The following TMEM44 variants were observed in gnomAD, a reference collection of about 807,000 sequenced individuals.
TMEM44 encodes transmembrane protein 44.
Under a neutral mutation model 47.8 loss-of-function variants are expected in TMEM44, and 43 were observed. That is an observed-to-expected ratio of 0.90 (90% CI 0.70 to 1.16). TMEM44 has a LOEUF of 1.16. TMEM44 is among the 50% of genes most tolerant of loss of function. The probability of loss-of-function intolerance (pLI) is 0.00; values close to 1 mark genes in which losing one functional copy is unlikely to be tolerated. For missense variants in TMEM44, 568 were observed against 555.2 expected (o/e 1.02, Z -0.23); for synonymous variants, 277 against 238.8 (o/e 1.16, Z -1.48).
Position 194,611,863 on chromosome 3 carries a change from A to G in TMEM44, c.913-843T>C, listed in dbSNP as rs1715356765. 6.6e-6 allele frequency among the ~76,000 whole-genome samples: 1 copy of G among 152,046 alleles called. No homozygotes were observed. Among genetic ancestry groups the G allele is most frequent in the African/African-American group, 2.4e-5 (1 of 41,390 alleles). ...ATAGTGAAACCCTGTCTCTACTAAA[A>G]ATACAAAAATTGGCTGGGCAAGGTG... On this transcript the variant is annotated intron_variant, in intron 7 of 9. Coordinates refer to ENST00000347147, the MANE Select transcript of TMEM44 (RefSeq NM_001011655.3). This position sits in a 1 kb window ranked among gnomAD's most constrained non-coding sequence, Gnocchi z 4.2.
Position 194,621,718 on chromosome 3 carries a change from A to AT in TMEM44, c.612+1505dup, listed in dbSNP as rs34426435. On this transcript the variant is annotated intron_variant, in intron 5 of 9. Transcript: ENST00000347147. ...CAACCAAGATGCTCCTGGGCAAGTA[A>AT]TTTTTTTTTTTTTTTTTAGATGGAG... is the stretch of plus-strand genomic sequence containing the variant. 5.6e-3 allele frequency among the ~76,000 whole-genome samples: 830 copies of AT among 147,318 alleles called. 5 individuals carry two copies. The highest frequency in any genetic ancestry group is 9.4e-3 in the Non-Finnish European group (628 of 66,556).
In TMEM44 at chr3:194,588,132, T is replaced by C. The variant is rs1712084889; in HGVS notation, c.*397A>G. On this transcript the variant is annotated 3_prime_UTR_variant, in exon 10 of 10. Transcript: ENST00000347147. ...CAGCCAGGTCTTGCAGAATGGGCTCTGCTGAGATCTAACCAGACACATTTG... is the reference window on the plus strand; with the variant it reads ...CAGCCAGGTCTTGCAGAATGGGCTCCGCTGAGATCTAACCAGACACATTTG... The C allele has an allele frequency of 5.8e-6, 1 of 171,660 alleles. No homozygotes were observed. The highest frequency in any genetic ancestry group is 1.3e-4 in the South Asian group (1 of 7,556). 10.6% of individuals were successfully genotyped at this position (171,660 alleles called of 1,614,324 possible).
chr3:194,604,750 C>T (rs751154074), intron 8 of TMEM44, among the ~76,000 whole-genome samples: 19 of 152,326 alleles, frequency 1.2e-4, no homozygotes, highest in Middle Eastern at 3.4e-3. Flanking sequence ...TCACCTAACA[C>T]TATGCCTTAG....
At chr3:194,632,934 C>G in intron 1 of TMEM44, 145 bp downstream of exon 1, 1 of 1,211,398 alleles carries the variant, frequency 8.3e-7, no homozygotes. Flanking sequence ...CTTCAGTCTA[C>G]AGAGCAATGT....
chr3:194,588,345 C>A lies in TMEM44; in HGVS notation c.*184G>T. On this transcript the variant is annotated 3_prime_UTR_variant, in exon 10 of 10. Transcript: ENST00000347147. ...CCTATCCAGGTCTGTCCGCAGTACCCAAAGTCGTAGCTCCGTGATGAGCTA... is the reference window on the plus strand; with the variant it reads ...CCTATCCAGGTCTGTCCGCAGTACCAAAAGTCGTAGCTCCGTGATGAGCTA... The A allele has an allele frequency of 1.7e-6, 1 of 593,662 alleles. No individual in the cohort carries two copies. Among genetic ancestry groups the A allele is most frequent in the Middle Eastern group, 4.5e-4 (1 of 2,244 alleles). The allele number at this position is 593,662 out of a possible 1,614,324, so 36.8% of individuals were successfully genotyped here. A position where few individuals can be genotyped will look rare whatever the true frequency, so the allele number is the denominator to read the frequency against.
intron 1 of TMEM44, 34 bp downstream of exon 1, chr3:194,633,045 C>CGCCCGACAGCT (rs2108608886): frequency 1.3e-6 from 2 of 1,545,100 alleles, no homozygotes; most frequent in Non-Finnish European, 1.7e-6. Flanking sequence ...CCCGTTTCCC[C>CGCCCGACAGCT]GCCCGACAGC....
chr3:194,597,591 T>C (rs1298905897), intron 9 of TMEM44, among the ~76,000 whole-genome samples: 3 of 143,858 alleles, frequency 2.1e-5, no homozygotes, highest in Non-Finnish European at 4.5e-5. Context: ...ACCTGGGAGG[T>C]GGAGGTTGCC....
chr3:194,612,881 T>C (rs1180477810), intron 7 of TMEM44, among the ~76,000 whole-genome samples: 1 of 151,652 alleles, frequency 6.6e-6, no homozygotes, highest in African/African-American at 2.4e-5. Flanking sequence ...CTCGATCTCC[T>C]GACCTCGTGA....
chr3:194,591,750 T>C (rs1031210337), intron 9 of TMEM44, among the ~76,000 whole-genome samples: 5 of 151,656 alleles, frequency 3.3e-5, no homozygotes, highest in Non-Finnish European at 5.9e-5. Context: ...GGACCACAGG[T>C]ACACACCACC....
chr3:194,604,507 T>A, intron 8 of TMEM44, 62 bp from the exon 9 acceptor site: 1 of 1,452,816 alleles, frequency 6.9e-7, no homozygotes, highest in Non-Finnish European at 9.1e-7. Context: ...GGTTGAATTG[T>A]CAAAGCATTC....
chr3:194,610,834 T>TAA, intron 8 of TMEM44, 82 bp downstream of exon 8: 1 of 1,249,848 alleles, frequency 8.0e-7, no homozygotes, highest in Admixed American at 2.0e-5. Context: ...ATCCCTCAGC[T>TAA]AAAGCATCAC....
chr3:194,595,455 C>T (rs1331691244), intron 9 of TMEM44, among the ~76,000 whole-genome samples: 1 of 152,100 alleles, frequency 6.6e-6, no homozygotes, highest in Non-Finnish European at 1.5e-5. Context: ...AAATTTTAGA[C>T]TGTGGAAGCT....
chr3:194,608,219 T>C (rs1714965776), intron 8 of TMEM44, among the ~76,000 whole-genome samples: 1 of 152,196 alleles, frequency 6.6e-6, no homozygotes, highest in Non-Finnish European at 1.5e-5. Context: ...AGGCATGCTC[T>C]GAATCTCTCT....
chr3:194,615,893 C>G (rs1715829433), intron 6 of TMEM44, among the ~76,000 whole-genome samples, 196 bp from the exon 7 acceptor site: 1 of 152,112 alleles, frequency 6.6e-6, no homozygotes. Context: ...CACGAGGGCC[C>G]AGCATCCAAT....
intron 9 of TMEM44, among the ~76,000 whole-genome samples, chr3:194,594,035 C>T (rs1713071700): frequency 6.6e-6 from 1 of 152,064 alleles, no homozygotes; most frequent in Non-Finnish European, 1.5e-5. Context: ...TGGTCTTGAA[C>T]TCCTGAGCTC....
At position 194,617,058 on chromosome 3, in the gene TMEM44, C is replaced by G. The variant is rs1715976094; in HGVS notation, c.783+41G>C. Reference sequence around the variant, plus strand: ...TGAGAGGACGAGACACAGGCCTCCTCTGGCTGCAAGCAGGGAGCTCCCCAG... The same window carrying G: ...TGAGAGGACGAGACACAGGCCTCCTGTGGCTGCAAGCAGGGAGCTCCCCAG... On this transcript the variant is annotated intron_variant, in intron 6 of 9. Coordinates refer to ENST00000347147, the MANE Select transcript of TMEM44 (RefSeq NM_001011655.3). 3 of 1,449,800 alleles carry G rather than the reference C, an allele frequency of 2.1e-6. No homozygotes were observed. In the South Asian group the frequency reaches 4.4e-5, roughly 21 times the overall value. The allele number at this position is 1,449,800 out of a possible 1,614,324, so 89.8% of individuals were successfully genotyped here.
chr3:194,607,560 T>C (rs1409225067), intron 8 of TMEM44, among the ~76,000 whole-genome samples: 2 of 152,154 alleles, frequency 1.3e-5, no homozygotes, highest in Non-Finnish European at 2.9e-5. Context: ...TAGAGACAGG[T>C]CTGAATCCGG....
chr3:194,616,662 C>G, intron 6 of TMEM44: 1 of 448,756 alleles, frequency 2.2e-6, no homozygotes, highest in South Asian at 1.6e-5. Flanking sequence ...CACACACACC[C>G]CACCACCAAC....
rs540781320 is a variant in TMEM44 at position 194,611,482 on chromosome 3, G to A, written c.913-462C>T. Among the ~76,000 whole-genome samples the A allele has an allele frequency of 5.9e-5, 9 of 152,262 alleles. No individual in the cohort carries two copies. In the South Asian group the frequency reaches 1.7e-3, roughly 28 times the overall value. On this transcript the variant is annotated intron_variant, in intron 7 of 9. Transcript: ENST00000347147. The surrounding 1 kb of genome is among the most constrained non-coding windows in gnomAD (Gnocchi z 4.2). Reference sequence around the variant, plus strand: ...ATCCAGGCACTGCATTCCAGCCTAGGGGACAGAGTGAGACCCTGTCGTACA... The same window carrying A: ...ATCCAGGCACTGCATTCCAGCCTAGAGGACAGAGTGAGACCCTGTCGTACA...
Sources: allele counts gnomAD v4.1 joint callset (sites outside exome capture counted in the v4.1 genomes callset), GRCh38; gene constraint gnomAD v4.1.1; non-coding constraint Gnocchi (gnomAD v3.1); transcripts MANE v1.5; gene names NCBI Gene and HGNC (gene_info 2026-07-23, HGNC 2026-07-21).